The following CCDC171 variants were observed in gnomAD, a reference collection of about 807,000 sequenced individuals.
CCDC171 encodes the protein coiled-coil domain-containing protein 171.
A neutral mutation model predicts 168.2 loss-of-function variants in CCDC171; 177 were observed. That is an observed-to-expected ratio of 1.05 (90% CI 0.93 to 1.19). The LOEUF (loss-of-function observed/expected upper bound fraction) is 1.19. CCDC171 is among the 50% of genes most tolerant of loss of function. CCDC171 has a pLI of 0.00. For missense variants in CCDC171, 1,991 were observed against 1,539.0 expected, an observed-to-expected ratio of 1.29 and a Z score of -4.91; for synonymous variants, 687 against 540.8, an observed-to-expected ratio of 1.27 and a Z score of -3.75.
intron 3 of CCDC171, among the ~76,000 whole-genome samples, chr9:16,007,255 C>T (rs943229702): frequency 2.6e-5 from 4 of 152,236 alleles, no homozygotes; most frequent in Non-Finnish European, 5.9e-5. Context: ...TGTTCATATC[C>T]TTTGCCCACT....
intron 18 of CCDC171, 48 bp from the exon 19 acceptor site, chr9:15,777,552 A>T: frequency 8.8e-7 from 1 of 1,131,534 alleles, no homozygotes; most frequent in Non-Finnish European, 1.3e-6. Flanking sequence ...TGTGAAATGC[A>T]CAAGAGACAA....
chr9:15,699,395 A>G (rs2051496735), intron 11 of CCDC171, among the ~76,000 whole-genome samples: 1 of 152,098 alleles, frequency 6.6e-6, no homozygotes, highest in Non-Finnish European at 1.5e-5. Context: ...GTGAAAGAAC[A>G]AAGCTTCCAC....
intron 25 of CCDC171, among the ~76,000 whole-genome samples, chr9:15,951,156 C>G (rs1448741715): frequency 6.6e-6 from 1 of 150,524 alleles, no homozygotes; most frequent in Non-Finnish European, 1.5e-5. Flanking sequence ...GAGACTTAGA[C>G]TCCTACACAT....
intron 25 of CCDC171, among the ~76,000 whole-genome samples, chr9:15,946,444 C>A (rs1828394402): frequency 6.6e-6 from 1 of 151,898 alleles, no homozygotes; most frequent in Non-Finnish European, 1.5e-5. Context: ...AATAAAATAC[C>A]TAAGAATCCA....
intron 11 of CCDC171, among the ~76,000 whole-genome samples, chr9:15,716,090 C>G (rs566883775): frequency 2.0e-5 from 3 of 152,160 alleles, no homozygotes; most frequent in Non-Finnish European, 4.4e-5. Context: ...CCATCACATC[C>G]CCTTTTCTCC....
intron 11 of CCDC171, among the ~76,000 whole-genome samples, chr9:15,695,715 T>C (rs1039355178): frequency 2.0e-5 from 3 of 152,190 alleles, no homozygotes; most frequent in African/African-American, 4.8e-5. Flanking sequence ...AGGTCATGCA[T>C]TTAAAAGGTT....
intron 21 of CCDC171, among the ~76,000 whole-genome samples, chr9:15,789,487 G>A (rs897673049): frequency 6.6e-6 from 1 of 152,092 alleles, no homozygotes; most frequent in Non-Finnish European, 1.5e-5. Context: ...ATTGTTTTAA[G>A]CAAAAGCTAA....
At chr9:16,079,180 G>A in the CCDC171 span, among the ~76,000 whole-genome samples, 3 of 152,154 alleles carry the variant, frequency 2.0e-5, no homozygotes, top group Non-Finnish European at 4.4e-5. Context: ...CTGCATTGTA[G>A]GACTACAACC....
At chr9:15,839,901 CAAA>C in intron 21 of CCDC171, among the ~76,000 whole-genome samples, 1 of 152,186 alleles carries the variant, frequency 6.6e-6, no homozygotes, top group African/African-American at 2.4e-5. Context: ...AGAAAAAACT[CAAA>C]ACTTTGTTTT....
In CCDC171 at chr9:15,591,660, C is replaced by T. The variant is rs980761229; in HGVS notation, c.543+104C>T. 5.8e-6 allele frequency: 4 copies of T among 691,910 alleles called. No individual in the cohort carries two copies. The South Asian group carries it at 8.5e-5, about 15-fold the overall frequency. 42.9% of individuals were successfully genotyped at this position (691,910 alleles called of 1,614,324 possible). ...GGATTTCCTTCCTTCCTTTTTCCTT[C>T]CTCCTTCCTTCCTCCCTCCCATTTT... On this transcript the variant is annotated intron_variant, in intron 5 of 25. Coordinates refer to ENST00000380701, the MANE Select transcript of CCDC171 (RefSeq NM_173550.4).
At chr9:16,007,347 A>T (rs1298030812) in intron 3 of CCDC171, among the ~76,000 whole-genome samples, 1 of 151,938 alleles carries the variant, frequency 6.6e-6, no homozygotes, top group East Asian at 1.9e-4. Flanking sequence ...TTGTCAGATG[A>T]GTAGGTTGCA....
intron 8 of CCDC171, among the ~76,000 whole-genome samples, chr9:15,664,788 T>C (rs1331873157): frequency 7.0e-6 from 1 of 142,764 alleles, no homozygotes; most frequent in Non-Finnish European, 1.5e-5. Context: ...AACCTCTGCC[T>C]CCCAGGTTCA....
At chr9:15,632,386 C>T (rs1254516644) in intron 7 of CCDC171, among the ~76,000 whole-genome samples, 1 of 151,858 alleles carries the variant, frequency 6.6e-6, no homozygotes, top group African/African-American at 2.4e-5. Flanking sequence ...AACAGACAAA[C>T]AGAGAGCCAA....
At chr9:15,843,168 G>A (rs1259195284) in intron 21 of CCDC171, among the ~76,000 whole-genome samples, 1 of 151,894 alleles carries the variant, frequency 6.6e-6, no homozygotes. Flanking sequence ...ATGAAGGTAA[G>A]CAATGACATC....
intron 4 of CCDC171, among the ~76,000 whole-genome samples, chr9:15,586,835 T>C (rs2041598972): frequency 6.6e-6 from 1 of 152,058 alleles, no homozygotes; most frequent in Non-Finnish European, 1.5e-5. Context: ...AGAGACAGAG[T>C]ATCACTTTGT....
At chr9:15,804,479 A>G (rs1249179133) in intron 21 of CCDC171, among the ~76,000 whole-genome samples, 3 of 149,070 alleles carry the variant, frequency 2.0e-5, no homozygotes, top group Non-Finnish European at 4.5e-5. Context: ...TTTTGCATCT[A>G]TTGAGATGAT....
chr9:16,062,361 G>C (rs551500350), downstream of CCDC171, among the ~76,000 whole-genome samples: 2 of 152,104 alleles, frequency 1.3e-5, no homozygotes. Flanking sequence ...GAGCGCACAT[G>C]GACACAAAGG....
chr9:15,813,304 T>C (rs1347552336), intron 21 of CCDC171, among the ~76,000 whole-genome samples: 1 of 152,236 alleles, frequency 6.6e-6, no homozygotes, highest in Non-Finnish European at 1.5e-5. Context: ...TTGGAAGCCA[T>C]GTGTTAAAGA....
At chr9:15,843,503 G>A (rs2130681629) in intron 21 of CCDC171, among the ~76,000 whole-genome samples, 1 of 152,148 alleles carries the variant, frequency 6.6e-6, no homozygotes, top group South Asian at 2.1e-4. Flanking sequence ...AATGAGGGCT[G>A]TATTGTGGAT....
Sources: allele counts gnomAD v4.1 joint callset (sites outside exome capture counted in the v4.1 genomes callset), GRCh38; gene constraint gnomAD v4.1.1; transcripts MANE v1.5; gene names NCBI Gene and HGNC (gene_info 2026-07-23, HGNC 2026-07-21).